CSMD3: variants seen among roughly 807,000 people sequenced by gnomAD.
The protein encoded by CSMD3 is CUB and sushi domain-containing protein 3.
Under a neutral mutation model 435.2 loss-of-function variants are expected in CSMD3, and 177 were observed. The observed-to-expected ratio is 0.41, with a 90% CI of 0.36 to 0.46. CSMD3 has a LOEUF of 0.46. Ranked by LOEUF, CSMD3 falls within the 20% of genes least tolerant of loss-of-function variation. The pLI, the probability that CSMD3 is intolerant of heterozygous loss-of-function variation, is 0.34. For missense variants in CSMD3, 4,265 were observed against 4,504.6 expected (o/e 0.95, Z 1.52); for synonymous variants, 1,656 against 1,520.5 (o/e 1.09, Z -2.07).
At chr8:112,472,923 A>G (rs978096997) in intron 31 of CSMD3, among the ~76,000 whole-genome samples, 2 of 152,228 alleles carry the variant, frequency 1.3e-5, no homozygotes, top group African/African-American at 4.8e-5. Context: ...GTTCTCAGAA[A>G]CAAAGTATGT....
chr8:112,334,308 C>T (rs1824364564), intron 45 of CSMD3, among the ~76,000 whole-genome samples: 1 of 152,128 alleles, frequency 6.6e-6, no homozygotes. Flanking sequence ...GACTAGATCC[C>T]ATGTGCTTTA....
Position 113,270,859 on chromosome 8 carries a change from A to T in CSMD3, c.514+7733T>A, listed in dbSNP as rs556470703. Among the ~76,000 whole-genome samples the T allele has an allele frequency of 2.0e-5, 3 of 152,228 alleles. No homozygotes were observed. The East Asian group carries it at 5.8e-4, about 29-fold the overall frequency. The stretch of plus-strand genomic sequence containing the variant: ...AGGAGGGGGGAGGGATAGCATTAAG[A>T]GATATACCTAATGTAAATGACAAGT... On this transcript the variant is annotated intron_variant, in intron 3 of 70. Coordinates refer to ENST00000297405, the MANE Select transcript of CSMD3 (RefSeq NM_198123.2).
At chr8:113,404,335 T>G (rs2094523130) in intron 1 of CSMD3, among the ~76,000 whole-genome samples, 1 of 151,386 alleles carries the variant, frequency 6.6e-6, no homozygotes, top group Non-Finnish European at 1.5e-5. Flanking sequence ...TTAAAACAAC[T>G]TAATAAGCAA....
intron 3 of CSMD3, among the ~76,000 whole-genome samples, chr8:113,262,041 T>A (rs1480586297): frequency 1.3e-5 from 2 of 152,108 alleles, no homozygotes; most frequent in Admixed American, 1.3e-4. Flanking sequence ...TGACACCCTG[T>A]TAGCATATTT....
At chr8:112,649,101 G>A (rs962683684) in intron 19 of CSMD3, among the ~76,000 whole-genome samples, 5 of 152,152 alleles carry the variant, frequency 3.3e-5, no homozygotes, top group African/African-American at 4.8e-5. Flanking sequence ...TGTCTGCAGC[G>A]TAAGAGAATT....
chr8:113,160,588 C>A (rs2092020203), intron 4 of CSMD3, among the ~76,000 whole-genome samples: 1 of 151,590 alleles, frequency 6.6e-6, no homozygotes, highest in Non-Finnish European at 1.5e-5. Context: ...TTGTATAAAA[C>A]AAACTGATTT....
intron 5 of CSMD3, among the ~76,000 whole-genome samples, chr8:113,020,779 T>G (rs1038670617): frequency 6.6e-6 from 1 of 152,188 alleles, no homozygotes; most frequent in African/African-American, 2.4e-5. Flanking sequence ...TTACAAATAT[T>G]CTCTCACCTT....
intron 11 of CSMD3, 75 bp downstream of exon 11, chr8:112,859,070 T>A: frequency 7.3e-7 from 1 of 1,376,994 alleles, no homozygotes; most frequent in Non-Finnish European, 1.0e-6. Context: ...CCATACTGCA[T>A]GTTCCGTATT....
In CSMD3 at chr8:112,956,190, G is replaced by A. The variant is rs183087072; in HGVS notation, c.1343-1429C>T. Among the ~76,000 whole-genome samples, 113 of 152,058 alleles carry A rather than the reference G, an allele frequency of 7.4e-4. 1 individual carries two copies. Among genetic ancestry groups the A allele is most frequent in the Non-Finnish European group, 2.2e-4 (15 of 67,864 alleles). ...TTTTTTCTCTTAAATAAGCAGCTAA[G>A]ACTAGATGGCTTCTCTCTTTATAGT... On this transcript the variant is annotated intron_variant, in intron 7 of 70. Coordinates refer to ENST00000297405, the MANE Select transcript of CSMD3 (RefSeq NM_198123.2).
chr8:113,099,641 T>G (rs2090272907), intron 4 of CSMD3, among the ~76,000 whole-genome samples: 1 of 152,094 alleles, frequency 6.6e-6, no homozygotes, highest in Non-Finnish European at 1.5e-5. Flanking sequence ...AATAACTTTT[T>G]GACTAACCTT....
intron 4 of CSMD3, among the ~76,000 whole-genome samples, chr8:113,138,416 T>G (rs1277535299): frequency 1.3e-5 from 2 of 151,504 alleles, no homozygotes; most frequent in East Asian, 3.9e-4. Flanking sequence ...CTAGTAATTT[T>G]GCTGCCATTT....
At chr8:112,283,099 G>C (rs1818822536) in intron 58 of CSMD3, among the ~76,000 whole-genome samples, 1 of 151,980 alleles carries the variant, frequency 6.6e-6, no homozygotes, top group Non-Finnish European at 1.5e-5. Flanking sequence ...GTGAGGCACA[G>C]AAAGATTAAG....
intron 30 of CSMD3, among the ~76,000 whole-genome samples, chr8:112,500,653 T>C (rs1821846033): frequency 6.6e-6 from 1 of 152,206 alleles, no homozygotes; most frequent in African/African-American, 2.4e-5. Context: ...AAGGTTTTCC[T>C]TTTAATGAAA....
intron 13 of CSMD3, among the ~76,000 whole-genome samples, chr8:112,773,024 T>A (rs1267584135): frequency 2.0e-5 from 3 of 151,916 alleles, no homozygotes; most frequent in African/African-American, 7.3e-5. Flanking sequence ...ACATGCTGAG[T>A]CCCAGTCCCC....
chr8:113,219,317 TA>T (rs1308910808), intron 3 of CSMD3, among the ~76,000 whole-genome samples: 1 of 151,254 alleles, frequency 6.6e-6, no homozygotes, highest in East Asian at 2.0e-4. Flanking sequence ...CATAGTAGTT[TA>T]CCTGGAAAAC....
At chr8:112,412,045 G>A (rs1261398111) in intron 32 of CSMD3, among the ~76,000 whole-genome samples, 3 of 151,938 alleles carry the variant, frequency 2.0e-5, no homozygotes, top group Non-Finnish European at 4.4e-5. Flanking sequence ...TAACATTCCT[G>A]ATTATCTATC....
intron 7 of CSMD3, among the ~76,000 whole-genome samples, chr8:112,967,830 G>C (rs921909579): frequency 4.2e-5 from 6 of 142,808 alleles, no homozygotes; most frequent in African/African-American, 1.5e-4. Flanking sequence ...ATTTGTGAGA[G>C]AGAAAAAAAA....
chr8:112,250,717 T>C (rs1815183004), intron 63 of CSMD3, among the ~76,000 whole-genome samples: 1 of 151,810 alleles, frequency 6.6e-6, no homozygotes, highest in African/African-American at 2.4e-5. Flanking sequence ...ATAAAAAGTA[T>C]TATTTGTATA....
At chr8:112,593,785 C>G (rs1011306580) in intron 22 of CSMD3, among the ~76,000 whole-genome samples, 5 of 151,804 alleles carry the variant, frequency 3.3e-5, no homozygotes, top group African/African-American at 1.2e-4. Flanking sequence ...AATCAGAGTT[C>G]AATTAAAATG....
Sources: gnomAD v4.1 joint callset for allele counts (sites outside exome capture counted in the v4.1 genomes callset) on GRCh38, gnomAD v4.1.1 for gene constraint, MANE v1.5 for transcripts, NCBI Gene and HGNC (gene_info 2026-07-23, HGNC 2026-07-21) for gene names.